Variants in TBC1D22A observed in about 807,000 individuals in gnomAD.
TBC1D22A encodes the protein TBC1 domain family member 22A, also known as putative GTPase activator.
TBC1D22A carries 38 observed loss-of-function variants against 60.2 expected under a neutral mutation model. The observed-to-expected ratio is 0.63, with a 90% confidence interval of 0.49 to 0.83. The LOEUF is 0.83. TBC1D22A is among the 40% of genes least tolerant of loss of function. The probability of loss-of-function intolerance (pLI) is 0.00; values close to 1 mark genes in which losing one functional copy is unlikely to be tolerated. For synonymous variants in TBC1D22A, 302 were observed against 281.7 expected, an observed-to-expected ratio of 1.07 and a Z score of -0.72; for missense variants, 628 against 701.0, an observed-to-expected ratio of 0.90 and a Z score of 1.18.
chr22:47,117,285 A>G (rs2066103481), intron 12 of TBC1D22A: 1 of 168,534 alleles, frequency 5.9e-6, no homozygotes, highest in Admixed American at 6.5e-5. Flanking sequence ...AACACTGGGT[A>G]GAGCAGGGAG....
chr22:47,011,042 T>C (rs532664793), intron 10 of TBC1D22A, among the ~76,000 whole-genome samples: 70 of 152,168 alleles, frequency 4.6e-4, no homozygotes, highest in Non-Finnish European at 8.5e-4. Context: ...TGCTGACTTT[T>C]CATAACAGCC....
chr22:47,034,658 C>T (rs561826552), intron 10 of TBC1D22A, among the ~76,000 whole-genome samples: 14 of 152,352 alleles, frequency 9.2e-5, no homozygotes, highest in Non-Finnish European at 1.8e-4. Context: ...ACGTTTCTAG[C>T]CCAACACCTT....
intron 11 of TBC1D22A, among the ~76,000 whole-genome samples, chr22:47,087,988 G>A (rs1193652200): frequency 6.6e-6 from 1 of 152,090 alleles, no homozygotes; most frequent in Non-Finnish European, 1.5e-5. Flanking sequence ...CAGGAGAATG[G>A]CGAGAACCCG....
intron 4 of TBC1D22A, among the ~76,000 whole-genome samples, chr22:46,826,133 G>A (rs145369108): frequency 9.7e-4 from 148 of 152,200 alleles, no homozygotes; most frequent in Middle Eastern, 3.4e-3. Flanking sequence ...CGCCCACCTT[G>A]GCCTCCCAAA....
At chr22:46,884,005 C>A (rs1045886866) in intron 5 of TBC1D22A, among the ~76,000 whole-genome samples, 1 of 152,150 alleles carries the variant, frequency 6.6e-6, no homozygotes, top group Admixed American at 6.5e-5. Context: ...GATCTCTGCA[C>A]GTCGTGATCA....
chr22:47,035,786 C>T (rs1185963338), intron 10 of TBC1D22A, among the ~76,000 whole-genome samples: 1 of 152,170 alleles, frequency 6.6e-6, no homozygotes, highest in Non-Finnish European at 1.5e-5. Flanking sequence ...TAGGTGAGGG[C>T]AGCTCCCGGT....
At chr22:46,862,236 C>A (rs1387776222) in intron 4 of TBC1D22A, among the ~76,000 whole-genome samples, 2 of 152,196 alleles carry the variant, frequency 1.3e-5, no homozygotes, top group African/African-American at 4.8e-5. Flanking sequence ...TTCCCCAGCT[C>A]CATGAGGTCT....
chr22:46,928,882 A>G (rs969634183), intron 8 of TBC1D22A, among the ~76,000 whole-genome samples: 4 of 152,242 alleles, frequency 2.6e-5, no homozygotes, highest in African/African-American at 9.6e-5. Flanking sequence ...AAGGATGGCT[A>G]CTATCAAAAA....
At chr22:47,153,900 G>A (rs2067606944) in intron 12 of TBC1D22A, among the ~76,000 whole-genome samples, 1 of 152,180 alleles carries the variant, frequency 6.6e-6, no homozygotes, top group East Asian at 1.9e-4. Context: ...GGCGGGGAGT[G>A]GACAGAGCCT....
chr22:47,161,297 G>A (rs1177758438), intron 12 of TBC1D22A, among the ~76,000 whole-genome samples: 1 of 152,016 alleles, frequency 6.6e-6, no homozygotes, highest in Admixed American at 6.6e-5. Context: ...ACTGTCGGGG[G>A]CGGTCCATCT....
intron 4 of TBC1D22A, among the ~76,000 whole-genome samples, chr22:46,857,666 C>A (rs1244507357): frequency 6.6e-6 from 1 of 152,038 alleles, no homozygotes; most frequent in East Asian, 1.9e-4. Flanking sequence ...TCCCCCAATC[C>A]TTCCCCCTGC....
intron 12 of TBC1D22A, among the ~76,000 whole-genome samples, chr22:47,125,255 A>C (rs889487896): frequency 2.0e-5 from 3 of 152,156 alleles, no homozygotes; most frequent in African/African-American, 7.2e-5. Context: ...CCGTCCCCGG[A>C]GAGCCCATGG....
chr22:47,025,062 G>A (rs1603048716), intron 10 of TBC1D22A, among the ~76,000 whole-genome samples: 1 of 152,240 alleles, frequency 6.6e-6, no homozygotes, highest in East Asian at 1.9e-4. Context: ...TTAATCAATT[G>A]GACATAATTT....
At chr22:47,159,453 C>T (rs1289648688) in intron 12 of TBC1D22A, among the ~76,000 whole-genome samples, 1 of 151,274 alleles carries the variant, frequency 6.6e-6, no homozygotes, top group East Asian at 1.9e-4. Context: ...TGTATACACA[C>T]AGACACCACA....
chr22:47,102,313 C>T (rs2065450907), intron 11 of TBC1D22A, among the ~76,000 whole-genome samples: 1 of 152,138 alleles, frequency 6.6e-6, no homozygotes, highest in African/African-American at 2.4e-5. Flanking sequence ...AGTGCTCATC[C>T]CACAGCCCCG....
intron 12 of TBC1D22A, among the ~76,000 whole-genome samples, chr22:47,137,584 T>C (rs2066922147): frequency 6.6e-6 from 1 of 152,204 alleles, no homozygotes; most frequent in South Asian, 2.1e-4. Context: ...CTTGGAGCCC[T>C]GAAGCTGCCC....
chr22:46,848,045 C>T (rs1342452246), intron 4 of TBC1D22A, among the ~76,000 whole-genome samples: 2 of 151,990 alleles, frequency 1.3e-5, no homozygotes, highest in Non-Finnish European at 2.9e-5. Context: ...GGTGACATTC[C>T]TTCTTAGAAG....
At chr22:47,090,455 A>G (rs1020255878) in intron 11 of TBC1D22A, among the ~76,000 whole-genome samples, 2 of 152,230 alleles carry the variant, frequency 1.3e-5, no homozygotes, top group Non-Finnish European at 2.9e-5. Flanking sequence ...TAACTTCGGG[A>G]AATCCCAGTC....
chr22:47,074,979 T>C (rs147388826), intron 11 of TBC1D22A, among the ~76,000 whole-genome samples: 2,683 of 152,162 alleles, frequency 0.018, 83 homozygotes, highest in African/African-American at 0.062. Context: ...ATCCCACCAC[T>C]TTGGGAGGCC....
Sources: allele counts gnomAD v4.1 joint callset (sites outside exome capture counted in the v4.1 genomes callset), GRCh38; gene constraint gnomAD v4.1.1; transcripts MANE v1.5; gene names NCBI Gene and HGNC (gene_info 2026-07-23, HGNC 2026-07-21).